Variants in DSCAM observed in about 807,000 individuals in gnomAD.
DSCAM encodes the protein DS cell adhesion molecule.
DSCAM carries 47 observed loss-of-function variants against 217.7 expected under a neutral mutation model. The observed-to-expected ratio is 0.22, with a 90% CI of 0.17 to 0.28. The LOEUF is 0.28. Ranked by LOEUF, DSCAM falls within the 10% of genes least tolerant of loss-of-function variation. The probability of loss-of-function intolerance (pLI) is 1.00; values close to 1 mark genes in which losing one functional copy is unlikely to be tolerated. For synonymous variants in DSCAM, 1,056 were observed against 1,015.3 expected (o/e 1.04, Z -0.76); for missense variants, 2,080 against 2,618.3 (o/e 0.79, Z 4.49).
chr21:40,733,909 A>T (rs1278814080), intron 1 of DSCAM, among the ~76,000 whole-genome samples: 1 of 152,102 alleles, frequency 6.6e-6, no homozygotes, highest in African/African-American at 2.4e-5. Flanking sequence ...TTTGTCATAA[A>T]CAGATGATAT....
Position 40,818,160 on chromosome 21 carries a change from T to G in DSCAM, c.43+28459A>C, listed in dbSNP as rs116175175. ...CCCGGTGATGAAAGCTCCTTGGGCC[T>G]CGATGTGGTAAAGGGACATCCGCCT... On this transcript the variant is annotated intron_variant, in intron 1 of 32. Transcript: ENST00000400454. 6.8e-3 allele frequency among the ~76,000 whole-genome samples: 961 copies of G among 141,368 alleles called. 9 individuals are homozygous for G. The highest frequency in any genetic ancestry group is 0.024 in the African/African-American group (903 of 37,890). 92.7% of individuals were successfully genotyped at this position (141,368 alleles called of 152,430 possible). A position where few individuals can be genotyped will look rare whatever the true frequency, so the allele number is the denominator to read the frequency against.
chr21:40,834,384 G>A (rs2092038400), intron 1 of DSCAM, among the ~76,000 whole-genome samples: 1 of 149,192 alleles, frequency 6.7e-6, no homozygotes, highest in Non-Finnish European at 1.5e-5. Flanking sequence ...TCCAGCCTGG[G>A]CGACAGAGTG....
chr21:40,406,805 G>C (rs1340935033), intron 3 of DSCAM, among the ~76,000 whole-genome samples: 1 of 152,080 alleles, frequency 6.6e-6, no homozygotes, highest in Non-Finnish European at 1.5e-5. Flanking sequence ...TTTTAGTAGA[G>C]ACAGGGTTTC....
chr21:40,700,868 C>T (rs980508155), intron 2 of DSCAM, among the ~76,000 whole-genome samples: 3 of 151,836 alleles, frequency 2.0e-5, no homozygotes, highest in Non-Finnish European at 4.4e-5. Context: ...TCCCAAGTAG[C>T]TGGGACTAAA....
At chr21:40,336,621 G>A (rs2074432283) in intron 8 of DSCAM, among the ~76,000 whole-genome samples, 1 of 152,200 alleles carries the variant, frequency 6.6e-6, no homozygotes, top group South Asian at 2.1e-4. Flanking sequence ...ATTTTAAGAT[G>A]ACAGAGTACA....
At chr21:40,607,501 C>T (rs559173600) in intron 3 of DSCAM, among the ~76,000 whole-genome samples, 1 of 149,528 alleles carries the variant, frequency 6.7e-6, no homozygotes, top group Non-Finnish European at 1.5e-5. Flanking sequence ...TGAAAAGAAG[C>T]ATGATATGGT....
chr21:40,138,848 GTA>G (rs1257533049), intron 18 of DSCAM, among the ~76,000 whole-genome samples: 2 of 147,136 alleles, frequency 1.4e-5, no homozygotes, highest in African/African-American at 2.5e-5. Context: ...TATGTGGGGT[GTA>G]TGTGTGGTGT....
intron 2 of DSCAM, among the ~76,000 whole-genome samples, 173 bp downstream of exon 2, chr21:40,708,281 C>T (rs111655667): frequency 3.3e-5 from 5 of 152,182 alleles, no homozygotes; most frequent in African/African-American, 1.2e-4. Context: ...CAATGTAAGG[C>T]ACTTTGAAAT....
chr21:40,095,833 G>A lies in DSCAM; in HGVS notation c.3697-1959C>T, dbSNP rs969638515. ...AAAGTAGTTATAATTGTATTATAGC[G>A]GTATTATAACTGTATATGTTCAAAA... On this transcript the variant is annotated intron_variant, in intron 20 of 32. Transcript: ENST00000400454. Among the ~76,000 whole-genome samples the A allele has an allele frequency of 8.6e-5, 13 of 151,964 alleles. No homozygotes were observed. In the East Asian group the frequency reaches 9.6e-4, roughly 11 times the overall value.
chr21:40,644,360 T>G (rs1192893800), intron 3 of DSCAM, among the ~76,000 whole-genome samples: 1 of 152,160 alleles, frequency 6.6e-6, no homozygotes, highest in East Asian at 1.9e-4. Flanking sequence ...AGAAAATGGA[T>G]AGCTAACCAA....
At chr21:40,708,167 G>GA (rs1397659394) in intron 2 of DSCAM, among the ~76,000 whole-genome samples, 1 of 152,142 alleles carries the variant, frequency 6.6e-6, no homozygotes, top group African/African-American at 2.4e-5. Context: ...TTGAGACACT[G>GA]AAAATTTGAA....
In DSCAM at chr21:40,694,988, G is replaced by A. The variant is rs78302234; in HGVS notation, c.362-2032C>T. Among the ~76,000 whole-genome samples the A allele has an allele frequency of 6.9e-3, 1,050 of 152,286 alleles. 12 individuals are homozygous for A. The highest frequency in any genetic ancestry group is 0.024 in the African/African-American group (979 of 41,546). On this transcript the variant is annotated intron_variant, in intron 2 of 32. Transcript: ENST00000400454. ...GGAGAAAGAGGGACTGGTCAACAGAGAGAGTCTACCGTCACAGGAATAGTG... is the reference window on the plus strand; with the variant it reads ...GGAGAAAGAGGGACTGGTCAACAGAAAGAGTCTACCGTCACAGGAATAGTG...
intron 1 of DSCAM, among the ~76,000 whole-genome samples, chr21:40,823,380 G>A (rs538439418): frequency 6.6e-6 from 1 of 152,058 alleles, no homozygotes; most frequent in Non-Finnish European, 1.5e-5. Context: ...TGAGGTCAAA[G>A]TTACACTAAG....
intron 11 of DSCAM, among the ~76,000 whole-genome samples, chr21:40,272,004 C>T (rs1327142660): frequency 6.6e-6 from 1 of 152,090 alleles, no homozygotes; most frequent in African/African-American, 2.4e-5. Flanking sequence ...TGGGAGCATC[C>T]TCAACTTTGG....
chr21:40,648,049 A>G (rs1266262522), intron 3 of DSCAM, among the ~76,000 whole-genome samples: 1 of 152,082 alleles, frequency 6.6e-6, no homozygotes, highest in Non-Finnish European at 1.5e-5. Flanking sequence ...GCAAGAAAAC[A>G]AATAAATAGA....
chr21:40,814,245 A>G (rs1410064615), intron 1 of DSCAM, among the ~76,000 whole-genome samples: 2 of 152,220 alleles, frequency 1.3e-5, no homozygotes, highest in South Asian at 2.1e-4. Flanking sequence ...GAACCGCAGA[A>G]CCATGCAGAC....
chr21:40,318,717 A>G (rs1306650555), intron 8 of DSCAM, among the ~76,000 whole-genome samples: 1 of 152,210 alleles, frequency 6.6e-6, no homozygotes, highest in Non-Finnish European at 1.5e-5. Flanking sequence ...ATGCAGAGAC[A>G]TATGATGAGG....
At chr21:40,115,006 C>T (rs1181701843) in intron 20 of DSCAM, among the ~76,000 whole-genome samples, 9 of 152,136 alleles carry the variant, frequency 5.9e-5, no homozygotes, top group Non-Finnish European at 1.2e-4. Context: ...GTCAGTGTGG[C>T]GATTCCTTGG....
intron 3 of DSCAM, among the ~76,000 whole-genome samples, chr21:40,440,943 A>T (rs1341427713): frequency 6.6e-6 from 1 of 152,134 alleles, no homozygotes; most frequent in Non-Finnish European, 1.5e-5. Context: ...AGCTTTGAGG[A>T]CACTCTCTTA....
Sources: allele counts gnomAD v4.1 joint callset (sites outside exome capture counted in the v4.1 genomes callset), GRCh38; gene constraint gnomAD v4.1.1; transcripts MANE v1.5; gene names NCBI Gene and HGNC (gene_info 2026-07-23, HGNC 2026-07-21).